Variants in CNGB3 observed in about 807,000 individuals in gnomAD.
CNGB3 encodes cyclic nucleotide-gated channel beta-3.
A neutral mutation model predicts 92.8 loss-of-function variants in CNGB3; 86 were observed. The observed-to-expected ratio is 0.93, with a 90% CI of 0.78 to 1.11. CNGB3 has a LOEUF of 1.11. CNGB3 is among the 50% of genes least tolerant of loss of function. The pLI, the probability that CNGB3 is intolerant of heterozygous loss-of-function variation, is 0.00. For synonymous variants in CNGB3, 333 were observed against 332.7 expected (o/e 1.00, Z -0.01); for missense variants, 1,026 against 956.8 (o/e 1.07, Z -0.95).
At chr8:86,586,334 T>A (rs544299561) in intron 15 of CNGB3, among the ~76,000 whole-genome samples, 30 of 82,802 alleles carry the variant, frequency 3.6e-4, no homozygotes, top group African/African-American at 6.8e-4. Context: ...ATATTTTTTT[T>A]TAAATTTTTT....
chr8:86,734,930 T>C (rs1825219092), intron 2 of CNGB3, among the ~76,000 whole-genome samples: 1 of 151,956 alleles, frequency 6.6e-6, no homozygotes, highest in Non-Finnish European at 1.5e-5. Context: ...TTGTCCTTAT[T>C]TTATACATGA....
Position 86,575,820 on chromosome 8 carries a change from T to C in CNGB3, c.2414A>G (p.Glu805Gly), listed in dbSNP as rs1191862153. The change falls in exon 18 of 18, where the codon GAA becomes GGA. Residue 805 changes from glutamate to glycine, a missense_variant. By Grantham distance (98) the Glu-to-Gly change is moderately conservative. Transcript: ENST00000320005. Reference sequence around the variant, plus strand: ...ATCAAACATTTATTGCTTAGCCTTTTCTTTGACTTCAATAGTAAGAACCTC... The same window carrying C: ...ATCAAACATTTATTGCTTAGCCTTTCCTTTGACTTCAATAGTAAGAACCTC... ...GEEVLTIEVK[E>G]KAKQ 1.9e-6 allele frequency: 3 copies of C among 1,613,802 alleles called. No individual in the cohort carries two copies. The highest frequency in any genetic ancestry group is 2.5e-6 in the Non-Finnish European group (3 of 1,179,914).
chr8:86,673,976 C>G lies in CNGB3; in HGVS notation c.339-2878G>C, dbSNP rs566355398. ...ACACCATCATAGACTGTAAGATTCT[C>G]AAAGCAAGGAACTGTGTCTTTTCTT... On this transcript the variant is annotated intron_variant, in intron 3 of 17. Transcript: ENST00000320005. 2.0e-5 allele frequency among the ~76,000 whole-genome samples: 3 copies of G among 152,286 alleles called. No individual in the cohort carries two copies. The East Asian group carries it at 5.8e-4, about 29-fold the overall frequency.
Position 86,574,710 on chromosome 8 carries a change from T to C in CNGB3, c.*1094A>G, listed in dbSNP as rs1821626415. ...GCATTTATTAGAATGGAATTCTATA[T>C]GTATTATTACTTCCGACACCAGCCT... On this transcript the variant is annotated 3_prime_UTR_variant, in exon 18 of 18. Coordinates refer to ENST00000320005, the MANE Select transcript of CNGB3 (RefSeq NM_019098.5). The C allele has an allele frequency of 6.6e-6, 1 of 152,214 alleles. No individual in the cohort carries two copies. The highest frequency in any genetic ancestry group is 6.5e-5 in the Admixed American group (1 of 15,282). 9.4% of individuals were successfully genotyped at this position (152,214 alleles called of 1,614,324 possible).
intron 17 of CNGB3, among the ~76,000 whole-genome samples, chr8:86,577,483 C>T (rs1821682055): frequency 6.6e-6 from 1 of 152,086 alleles, no homozygotes; most frequent in South Asian, 2.1e-4. Flanking sequence ...TATAAATTTT[C>T]CACAAACAGC....
intron 3 of CNGB3, among the ~76,000 whole-genome samples, chr8:86,677,202 G>C (rs972703068): frequency 6.6e-6 from 1 of 152,170 alleles, no homozygotes; most frequent in Non-Finnish European, 1.5e-5. Flanking sequence ...CCAGAACTGC[G>C]AGAAAATAAA....
At chr8:86,656,031 C>G (rs1287335838) in intron 6 of CNGB3, among the ~76,000 whole-genome samples, 1 of 152,188 alleles carries the variant, frequency 6.6e-6, no homozygotes, top group Admixed American at 6.5e-5. Flanking sequence ...ACTCCCCACA[C>G]TACTGACTTT....
chr8:86,732,860 G>A (rs1825179757), intron 2 of CNGB3, among the ~76,000 whole-genome samples: 2 of 152,094 alleles, frequency 1.3e-5, no homozygotes, highest in African/African-American at 4.8e-5. Flanking sequence ...TTGGATGAAG[G>A]AAATAAATAT....
intron 3 of CNGB3, among the ~76,000 whole-genome samples, chr8:86,680,779 A>C (rs1824067997): frequency 6.6e-6 from 1 of 152,046 alleles, no homozygotes; most frequent in African/African-American, 2.4e-5. Flanking sequence ...TGGCGTACCA[A>C]GTTGTGGGGT....
At chr8:86,733,087 TC>T (rs1001985223) in intron 2 of CNGB3, among the ~76,000 whole-genome samples, 14 of 152,086 alleles carry the variant, frequency 9.2e-5, no homozygotes, top group Non-Finnish European at 1.9e-4. Context: ...TTTCAACTCT[TC>T]CCCCCACCTT....
chr8:86,695,476 A>C (rs893302228), intron 3 of CNGB3, among the ~76,000 whole-genome samples: 7 of 151,976 alleles, frequency 4.6e-5, no homozygotes, highest in Non-Finnish European at 7.4e-5. Flanking sequence ...TGTATTTTGC[A>C]TTTCTCTAAG....
intron 6 of CNGB3, chr8:86,657,662 G>C (rs1304844432): frequency 2.3e-6 from 1 of 433,296 alleles, no homozygotes; most frequent in Non-Finnish European, 4.6e-6. Context: ...AATCAACAGG[G>C]TTCTTGGCAG....
chr8:86,717,563 A>T (rs1481657921), intron 3 of CNGB3, among the ~76,000 whole-genome samples: 1 of 27,786 alleles, frequency 3.6e-5, no homozygotes. Flanking sequence ...CTCTGTCTCA[A>T]AAAAAAAAAA....
At position 86,575,850 on chromosome 8, in the gene CNGB3, C is replaced by T; in HGVS notation, c.2384G>A (p.Gly795Glu). 6.2e-7 allele frequency: 1 copy of T among 1,613,302 alleles called. No homozygotes were observed. The highest frequency in any genetic ancestry group is 8.5e-7 in the Non-Finnish European group (1 of 1,179,840). Residue 795 changes from glycine to glutamate, a missense_variant, in exon 18 of 18, where the codon GGA becomes GAA. Physicochemically the swap from Gly to Glu is moderately conservative, Grantham distance 98 (BLOSUM62 -2). Transcript: ENST00000320005. The part of the protein sequence containing the change: ...IISMAPSAEG[G>E]EEVLTIEVKE... Reference sequence around the variant, plus strand: ...GACTTCAATAGTAAGAACCTCTTCTCCGCCCTCAGCAGAAGGAGCCATGCT... The same window carrying T: ...GACTTCAATAGTAAGAACCTCTTCTTCGCCCTCAGCAGAAGGAGCCATGCT...
Position 86,724,807 on chromosome 8 carries a change from T to C in CNGB3, c.338+1724A>G, listed in dbSNP as rs191987103. On this transcript the variant is annotated intron_variant, in intron 3 of 17. Transcript: ENST00000320005. The stretch of plus-strand genomic sequence containing the variant: ...GAAAGAATAGAACAAGCAGAGGAAG[T>C]AGTATGTGCAAAAGCCTGCGGCAGG... Among the ~76,000 whole-genome samples, 523 of 151,996 alleles carry C rather than the reference T, an allele frequency of 3.4e-3. 3 individuals are homozygous for C. The highest frequency in any genetic ancestry group is 0.012 in the African/African-American group (508 of 41,480).
intron 3 of CNGB3, 99 bp from the exon 4 acceptor site, chr8:86,671,197 T>C (rs764300481): frequency 4.4e-6 from 6 of 1,365,442 alleles, no homozygotes; most frequent in Middle Eastern, 2.4e-4. Context: ...TTCAAGATTA[T>C]TAACTTCCCC....
intron 6 of CNGB3, chr8:86,660,821 A>G (rs1372836002): frequency 2.2e-6 from 1 of 461,230 alleles, no homozygotes; most frequent in Middle Eastern, 6.3e-4. Context: ...TATGAATACC[A>G]ATACTAATAA....
chr8:86,673,066 C>T (rs926246681), intron 3 of CNGB3, among the ~76,000 whole-genome samples: 2 of 152,174 alleles, frequency 1.3e-5, no homozygotes, highest in African/African-American at 4.8e-5. Context: ...GAAGTTTATT[C>T]ATCCATCAAG....
chr8:86,677,094 G>T (rs1032044940), intron 3 of CNGB3, among the ~76,000 whole-genome samples: 6 of 152,100 alleles, frequency 3.9e-5, no homozygotes, highest in Admixed American at 1.3e-4. Context: ...AAACACAAAG[G>T]ATTGTTGGTG....
Sources: allele counts gnomAD v4.1 joint callset (sites outside exome capture counted in the v4.1 genomes callset), GRCh38; gene constraint gnomAD v4.1.1; transcripts MANE v1.5; gene names NCBI Gene and HGNC (gene_info 2026-07-23, HGNC 2026-07-21).